SBF2: variants seen among roughly 807,000 people sequenced by gnomAD.
SBF2 encodes the protein SET binding factor 2, also known as myotubularin-related protein 13.
A neutral mutation model predicts 225.2 loss-of-function variants in SBF2; 112 were observed. The observed-to-expected ratio is 0.50, with a 90% CI of 0.43 to 0.58. SBF2 has a LOEUF of 0.58. Among genes scored for constraint, SBF2 ranks in the 20% least tolerant of loss-of-function variants. The pLI, the probability that SBF2 is intolerant of heterozygous loss-of-function variation, is 0.00. For missense variants in SBF2, 1,996 were observed against 2,206.2 expected (o/e 0.90, Z 1.91); for synonymous variants, 763 against 773.3 (o/e 0.99, Z 0.22).
At chr11:9,893,807 C>A (rs2134127745) in intron 17 of SBF2, among the ~76,000 whole-genome samples, 1 of 152,214 alleles carries the variant, frequency 6.6e-6, no homozygotes, top group East Asian at 1.9e-4. Context: ...TGGGAAGGGG[C>A]TCTCTTCCAA....
chr11:10,184,217 T>C (rs747181217), intron 2 of SBF2, among the ~76,000 whole-genome samples: 1 of 152,194 alleles, frequency 6.6e-6, no homozygotes, highest in Non-Finnish European at 1.5e-5. Flanking sequence ...ATTCATGATA[T>C]ATATGTGAGT....
At chr11:10,007,421 GA>G (rs1948244034) in intron 6 of SBF2, among the ~76,000 whole-genome samples, 1 of 152,120 alleles carries the variant, frequency 6.6e-6, no homozygotes, top group Admixed American at 6.5e-5. Flanking sequence ...AGACTGAATT[GA>G]ATACAAGCTC....
At chr11:9,825,421 T>C (rs553170889) in intron 28 of SBF2, among the ~76,000 whole-genome samples, 3 of 152,192 alleles carry the variant, frequency 2.0e-5, no homozygotes, top group South Asian at 4.2e-4. Context: ...TGTGAGACAA[T>C]AGTTGTTTAA....
intron 16 of SBF2, among the ~76,000 whole-genome samples, chr11:9,902,365 C>T (rs928553072): frequency 1.3e-5 from 2 of 152,198 alleles, no homozygotes; most frequent in African/African-American, 4.8e-5. Flanking sequence ...AGTAGCCAAT[C>T]AGAAAATCTT....
chr11:10,229,753 C>T (rs1431160277), intron 1 of SBF2, among the ~76,000 whole-genome samples: 10 of 151,978 alleles, frequency 6.6e-5, no homozygotes, highest in Admixed American at 1.3e-4. Context: ...AATTTTGGAA[C>T]AGGTGTGGTG....
chr11:10,199,168 A>G (rs1012490127), intron 1 of SBF2, among the ~76,000 whole-genome samples: 1 of 152,170 alleles, frequency 6.6e-6, no homozygotes, highest in East Asian at 1.9e-4. Flanking sequence ...AAAGTCATCA[A>G]CTAACCCAAT....
intron 1 of SBF2, among the ~76,000 whole-genome samples, chr11:10,240,854 C>T (rs550720377): frequency 2.6e-5 from 4 of 151,978 alleles, no homozygotes; most frequent in East Asian, 1.9e-4. Flanking sequence ...GTTCGCAATA[C>T]GTGTTTAAAT....
chr11:10,272,331 A>G lies in SBF2; in HGVS notation c.55+21684T>C, dbSNP rs993697480. 38 of 727,876 alleles carry G rather than the reference A, an allele frequency of 5.2e-5. 11 individuals carry two copies. The highest frequency in any genetic ancestry group is 6.6e-5 in the Non-Finnish European group (31 of 468,810). 45.1% of individuals were successfully genotyped at this position (727,876 alleles called of 1,614,324 possible). ...AGGAGAATGACAAGTCGTTCACTGT[A>G]ACTAAGGCTTACTTACTTGCTAGTT... On this transcript the variant is annotated intron_variant, in intron 1 of 39. Coordinates refer to ENST00000256190, the MANE Select transcript of SBF2 (RefSeq NM_030962.4).
chr11:9,809,837 C>T (rs965082997), intron 30 of SBF2, among the ~76,000 whole-genome samples: 7 of 152,116 alleles, frequency 4.6e-5, no homozygotes, highest in African/African-American at 9.7e-5. Context: ...TGAACCACCA[C>T]GCCTGGCCTA....
chr11:10,239,201 A>AAAAT (rs1257842924), intron 1 of SBF2, among the ~76,000 whole-genome samples: 2 of 150,662 alleles, frequency 1.3e-5, no homozygotes, highest in Admixed American at 1.3e-4. Context: ...AAGCTCATAC[A>AAAAT]AAATTTTTAC....
intron 2 of SBF2, among the ~76,000 whole-genome samples, chr11:10,170,830 T>A (rs539487245): frequency 3.2e-4 from 49 of 152,128 alleles, no homozygotes; most frequent in African/African-American, 1.1e-3. Flanking sequence ...TTTTTTTTCA[T>A]CAGTGATTTA....
chr11:9,956,387 C>T (rs12275641), intron 16 of SBF2, among the ~76,000 whole-genome samples: 2,847 of 152,224 alleles, frequency 0.019, 73 homozygotes, highest in African/African-American at 0.057. Context: ...CCAACTTACA[C>T]GTTCACTAGC....
chr11:10,157,024 G>A (rs540471526), intron 2 of SBF2, among the ~76,000 whole-genome samples: 6 of 152,086 alleles, frequency 3.9e-5, no homozygotes, highest in Admixed American at 2.6e-4. Context: ...ACTACACTAC[G>A]GGGCTACAGT....
At chr11:9,962,183 A>T in intron 15 of SBF2, 77 bp from the exon 16 acceptor site, 1 of 1,296,204 alleles carries the variant, frequency 7.7e-7, no homozygotes, top group Admixed American at 1.7e-5. Context: ...CATCCTGAAA[A>T]TTCAAACGCA....
chr11:10,020,797 C>A (rs980121067), intron 6 of SBF2, among the ~76,000 whole-genome samples: 1 of 152,004 alleles, frequency 6.6e-6, no homozygotes, highest in African/African-American at 2.4e-5. Flanking sequence ...CATTTTAAAA[C>A]TGAAACAACT....
chr11:10,117,956 G>C (rs182999329), intron 2 of SBF2, among the ~76,000 whole-genome samples: 1 of 152,098 alleles, frequency 6.6e-6, no homozygotes, highest in East Asian at 1.9e-4. Flanking sequence ...AATCTTGGCA[G>C]TTTCTATGTC....
At chr11:10,062,607 A>G (rs760466897) in intron 2 of SBF2, among the ~76,000 whole-genome samples, 1 of 152,234 alleles carries the variant, frequency 6.6e-6, no homozygotes, top group African/African-American at 2.4e-5. Flanking sequence ...ATCACTGATC[A>G]TTAGAGAAAT....
At position 10,299,833 on chromosome 11, in the gene SBF2, CA is replaced by C. The variant is rs1204229955; in HGVS notation, n.386+4658del. Among the ~76,000 whole-genome samples the C allele has an allele frequency of 3.9e-5, 6 of 152,328 alleles. No homozygotes were observed. In the East Asian group the frequency reaches 1.2e-3, roughly 29 times the overall value. On this transcript the variant is annotated intron_variant and non_coding_transcript_variant, in intron 1 of 5. Transcript: ENST00000685217. ...TAATCTATCTACCACATTCCATAGC[CA>C]AAACGATTGTTTAAATAAATGTATA...
intron 6 of SBF2, among the ~76,000 whole-genome samples, chr11:10,008,046 G>A (rs148784851): frequency 6.6e-6 from 1 of 152,292 alleles, no homozygotes; most frequent in African/African-American, 2.4e-5. Flanking sequence ...CCAACAATTT[G>A]CAAATCCAAT....
Sources: gnomAD v4.1 joint callset for allele counts (sites outside exome capture counted in the v4.1 genomes callset) on GRCh38, gnomAD v4.1.1 for gene constraint, MANE v1.5 for transcripts, NCBI Gene and HGNC (gene_info 2026-07-23, HGNC 2026-07-21) for gene names.